Variants in MYO6 observed in about 807,000 individuals in gnomAD.
MYO6 encodes myosin VI.
In MYO6, 74 loss-of-function variants were observed where a neutral mutation model predicts 178.7. That is an observed-to-expected ratio of 0.41 (90% CI 0.34 to 0.50). MYO6 has a LOEUF of 0.50. MYO6 is among the 20% of genes least tolerant of loss of function. The pLI is 0.09. For missense variants in MYO6, 1,330 were observed against 1,547.4 expected (o/e 0.86, Z 2.36); for synonymous variants, 477 against 504.6 (o/e 0.95, Z 0.73).
rs1214304153 is a variant in MYO6 at position 75,918,723 on chromosome 6, ATATGAAACAAGCT to A, written c.*3714_*3726del. The A allele has an allele frequency of 6.6e-6, 1 of 152,270 alleles. No individual in the cohort carries two copies. Among genetic ancestry groups the A allele is most frequent in the Non-Finnish European group, 1.5e-5 (1 of 68,054 alleles). 9.4% of individuals were successfully genotyped at this position (152,270 alleles called of 1,614,324 possible). On this transcript the variant is annotated 3_prime_UTR_variant, in exon 35 of 35. Transcript: ENST00000369977. ...ATTCTTTCCCCATTGCTAACCTAAT[ATATGAAACAAGCT>A]TAGCTGTCTCAGAAGTTTTTCAAGA...
chr6:75,760,209 G>A (rs1222739439), intron 1 of MYO6, among the ~76,000 whole-genome samples: 2 of 152,138 alleles, frequency 1.3e-5, no homozygotes, highest in African/African-American at 4.8e-5. Flanking sequence ...GCAGTTTGCT[G>A]TTATCTTGCA....
Position 75,857,123 on chromosome 6 carries a change from A to G in MYO6, c.1250A>G (p.Asn417Ser), listed in dbSNP as rs1554210769. 1 of 1,614,018 alleles carries G rather than the reference A, an allele frequency of 6.2e-7. No homozygotes were observed. Among genetic ancestry groups the G allele is most frequent in the Non-Finnish European group, 8.5e-7 (1 of 1,179,930 alleles). Residue 417 changes from asparagine (N) to serine (S), a missense_variant, in exon 13 of 35, where the codon AAC becomes AGC. Coordinates refer to ENST00000369977, the MANE Select transcript of MYO6 (RefSeq NM_004999.4). ...GTACCTCTGAAAGTGGAGCAAGCAAACAATGCTCGTGATGCCCTGGCAAAG... is the reference window on the plus strand; with the variant it reads ...GTACCTCTGAAAGTGGAGCAAGCAAGCAATGCTCGTGATGCCCTGGCAAAG... ...IKVPLKVEQANNARDALAKTV... is the reference protein window; with the variant it reads ...IKVPLKVEQASNARDALAKTV...
rs142228309 is a variant in MYO6 at position 75,814,173 on chromosome 6, A to G, written c.-47-3328A>G. ...GCAGTGGGGCTTGCTGAGATGAACT[A>G]TTTGCCTCTGGCTAGGGCTTCTGTA... On this transcript the variant is annotated intron_variant, in intron 1 of 34. Transcript: ENST00000369977. Among the ~76,000 whole-genome samples the G allele has an allele frequency of 2.2e-3, 328 of 152,154 alleles. 3 individuals carry two copies. The highest frequency in any genetic ancestry group is 0.019 in the Admixed American group (297 of 15,296).
At chr6:75,773,583 T>C (rs1260009927) in intron 1 of MYO6, among the ~76,000 whole-genome samples, 1 of 152,164 alleles carries the variant, frequency 6.6e-6, no homozygotes, top group African/African-American at 2.4e-5. Flanking sequence ...AATGCCAGGA[T>C]TGAGAGATGG....
intron 1 of MYO6, among the ~76,000 whole-genome samples, chr6:75,760,705 C>T (rs1011582749): frequency 2.0e-5 from 3 of 149,458 alleles, no homozygotes; most frequent in African/African-American, 7.4e-5. Flanking sequence ...TGAATAACAC[C>T]TGTGGTTGGA....
chr6:75,794,722 T>C (rs1200024182), intron 1 of MYO6, among the ~76,000 whole-genome samples: 1 of 147,534 alleles, frequency 6.8e-6, no homozygotes, highest in Non-Finnish European at 1.5e-5. Context: ...CTGTTGTTGG[T>C]TATATAAGCA....
chr6:75,898,782 G>T (rs1307435516), intron 30 of MYO6, among the ~76,000 whole-genome samples: 1 of 152,018 alleles, frequency 6.6e-6, no homozygotes, highest in Non-Finnish European at 1.5e-5. Flanking sequence ...CCCTAATTTG[G>T]GCACCACTGT....
intron 1 of MYO6, among the ~76,000 whole-genome samples, chr6:75,814,290 G>A (rs1311548699): frequency 6.6e-6 from 1 of 152,148 alleles, no homozygotes; most frequent in Non-Finnish European, 1.5e-5. Flanking sequence ...GAGAGAGAGG[G>A]TGGTGCTGAG....
chr6:75,853,567 C>T (rs926443226), intron 11 of MYO6, among the ~76,000 whole-genome samples: 3 of 152,112 alleles, frequency 2.0e-5, no homozygotes, highest in African/African-American at 7.2e-5. Context: ...CCAGTTGTTC[C>T]AGTACCTTTA....
Position 75,855,195 on chromosome 6 carries a change from CTGGGTT to C in MYO6, c.1139_1144del (p.Gly380_Leu381del). The C allele has an allele frequency of 6.2e-7, 1 of 1,613,210 alleles. No homozygotes were observed. Among genetic ancestry groups the C allele is most frequent in the Non-Finnish European group, 8.5e-7 (1 of 1,179,380 alleles). The stretch of plus-strand genomic sequence containing the variant: ...GTCTTTGGAATATTGTGCTGAATTA[CTGGGTT>C]TGGACCAAGATGATCTTCGAGTAAG... On this transcript the variant is annotated inframe_deletion, in exon 12 of 35. Transcript: ENST00000369977.
intron 1 of MYO6, among the ~76,000 whole-genome samples, chr6:75,813,471 A>C (rs1349937808): frequency 6.6e-6 from 1 of 152,170 alleles, no homozygotes; most frequent in East Asian, 1.9e-4. Flanking sequence ...AATGCCATCC[A>C]AGAGTCAAGG....
At chr6:75,886,484 T>C (rs1369978518) in intron 24 of MYO6, among the ~76,000 whole-genome samples, 1 of 152,202 alleles carries the variant, frequency 6.6e-6, no homozygotes, top group African/African-American at 2.4e-5. Flanking sequence ...GGAATTACAT[T>C]GTCCCATTAT....
In MYO6 at chr6:75,769,096, C is replaced by A. The variant is rs982934368; in HGVS notation, c.-48+19673C>A. ...ACTCATTTGTGGGGGTGGCACCAAG[C>A]CATTCATGAGGGATCTGCCTGCATG... is the stretch of plus-strand genomic sequence containing the variant. On this transcript the variant is annotated intron_variant, in intron 1 of 34. Transcript: ENST00000369977. Among the ~76,000 whole-genome samples, 3 of 152,172 alleles carry A rather than the reference C, an allele frequency of 2.0e-5. No individual in the cohort carries two copies. In the East Asian group the frequency reaches 5.8e-4, roughly 29 times the overall value.
At chr6:75,818,158 T>TTTG (rs1771476119) in intron 2 of MYO6, among the ~76,000 whole-genome samples, 1 of 152,220 alleles carries the variant, frequency 6.6e-6, no homozygotes, top group Non-Finnish European at 1.5e-5. Flanking sequence ...TGCTATCATT[T>TTTG]TTGTAATAGA....
Position 75,914,373 on chromosome 6 carries a change from A to G in MYO6, c.3658+92A>G. ...ATTCTAATGTATAATATAATAATTT[A>G]TTACATTTCAGGGTTGAGGGATGGA... On this transcript the variant is annotated intron_variant, in intron 34 of 34. Transcript: ENST00000369977. 2.3e-6 allele frequency: 3 copies of G among 1,297,290 alleles called. No homozygotes were observed. In the South Asian group the frequency reaches 3.7e-5, roughly 16 times the overall value. The allele number at this position is 1,297,290 out of a possible 1,614,324, so 80.4% of individuals were successfully genotyped here. A position where few individuals can be genotyped will look rare whatever the true frequency, so the allele number is the denominator to read the frequency against.
In MYO6 at chr6:75,880,023, T is replaced by C. The variant is rs1484214054; in HGVS notation, c.2209-20T>C. On this transcript the variant is annotated intron_variant, in intron 21 of 34. Transcript: ENST00000369977. ...TTCTATTAATAATTGACATTTAACTTTTTAACTTTTATTTTTCAGGCTTTG... is the reference window on the plus strand; with the variant it reads ...TTCTATTAATAATTGACATTTAACTCTTTAACTTTTATTTTTCAGGCTTTG... The C allele has an allele frequency of 2.5e-6, 4 of 1,613,230 alleles. No homozygotes were observed. The African/African-American group carries it at 5.3e-5, about 22-fold the overall frequency.
Position 75,862,597 on chromosome 6 carries a change from T to G in MYO6, c.1548T>G (p.Asp516Glu). ...GAGTGTTTTCATTTTTTGAAATAGA[T>G]TTAATTGAAGCCAAATTAGTGGGAA... ...VHYVDNQDCI[D>E]LIEAKLVGIL... The change falls in exon 16 of 35, where the codon GAT becomes GAG. Residue 516 changes from aspartate to glutamate, a missense_variant and splice_region_variant. By Grantham distance (45) the Asp-to-Glu change is conservative. Around this residue, in one of 3 missense-constraint regions of MYO6, gnomAD observed 613 missense variants for 816.8 expected, o/e 0.75. Transcript: ENST00000369977. 6.2e-7 allele frequency: 1 copy of G among 1,612,976 alleles called. No homozygotes were observed. The highest frequency in any genetic ancestry group is 8.5e-7 in the Non-Finnish European group (1 of 1,179,004).
At chr6:75,756,211 A>G (rs979745826) in intron 1 of MYO6, among the ~76,000 whole-genome samples, 7 of 143,968 alleles carry the variant, frequency 4.9e-5, no homozygotes, top group Non-Finnish European at 9.2e-5. Flanking sequence ...CCTAGGCAAC[A>G]TAGCCAGATT....
chr6:75,850,436 A>C lies in MYO6; in HGVS notation c.1078+1905A>C, dbSNP rs183151354. Among the ~76,000 whole-genome samples, 16 of 152,338 alleles carry C rather than the reference A, an allele frequency of 1.1e-4. No homozygotes were observed. The East Asian group carries it at 3.1e-3, about 29-fold the overall frequency. On this transcript the variant is annotated intron_variant, in intron 11 of 34. Transcript: ENST00000369977. ...GTTGAAATGATGCATGTGGTTATTG[A>C]TGAAGTTGTAGATGTGAGAGCTGGT...
Sources: gnomAD v4.1 joint callset for allele counts (sites outside exome capture counted in the v4.1 genomes callset) on GRCh38, gnomAD v4.1.1 for gene constraint, gnomAD v4.1.1 regional missense constraint, MANE v1.5 for transcripts, NCBI Gene and HGNC (gene_info 2026-07-23, HGNC 2026-07-21) for gene names.